Variants in CEP295 observed in about 807,000 individuals in gnomAD.
CEP295 encodes centrosomal protein of 295 kDa.
Under a neutral mutation model 291.6 loss-of-function variants are expected in CEP295, and 190 were observed. The ratio of observed to expected loss-of-function variants is 0.65; its 90% CI spans 0.58 to 0.73. The LOEUF (loss-of-function observed/expected upper bound fraction) is 0.73. Among genes scored for constraint, CEP295 ranks in the 30% least tolerant of loss-of-function variants. The probability of loss-of-function intolerance (pLI) is 0.00; values close to 1 mark genes in which losing one functional copy is unlikely to be tolerated. For synonymous variants in CEP295, 993 were observed against 1,038.8 expected, an observed-to-expected ratio of 0.96 and a Z score of 0.85; for missense variants, 2,863 against 2,949.4, an observed-to-expected ratio of 0.97 and a Z score of 0.68.
chr11:93,669,785 T>G lies in CEP295; in HGVS notation c.528+15T>G, dbSNP rs934176322. On this transcript the variant is annotated intron_variant, in intron 5 of 29. Coordinates refer to ENST00000325212, the MANE Select transcript of CEP295 (RefSeq NM_033395.2). ...CTCTTTTTGAGGTGAGTTTGAGTAT[T>G]AAGAGGAACTAGGTCATAATTCTTC... is the stretch of plus-strand genomic sequence containing the variant. The G allele has an allele frequency of 6.8e-7, 1 of 1,470,570 alleles. No homozygotes were observed. The highest frequency in any genetic ancestry group is 9.3e-7 in the Non-Finnish European group (1 of 1,074,402). The allele number at this position is 1,470,570 out of a possible 1,614,324, so 91.1% of individuals were successfully genotyped here. A position where few individuals can be genotyped will look rare whatever the true frequency, so the allele number is the denominator to read the frequency against.
chr11:93,700,374 T>C (rs1591071097), intron 15 of CEP295, among the ~76,000 whole-genome samples, 188 bp downstream of exon 15: 1 of 152,072 alleles, frequency 6.6e-6, no homozygotes, highest in East Asian at 1.9e-4. Flanking sequence ...GTTTATGAGG[T>C]TAATAGTTAC....
At chr11:93,725,538 G>A in intron 22 of CEP295, 113 bp from the exon 23 acceptor site, 1 of 848,484 alleles carries the variant, frequency 1.2e-6, no homozygotes, top group Non-Finnish European at 1.7e-6. Context: ...AATCATTGCT[G>A]TCATAGTGAA....
At chr11:93,714,424 TA>T (rs1018380452) in intron 18 of CEP295, among the ~76,000 whole-genome samples, 8 of 152,162 alleles carry the variant, frequency 5.3e-5, no homozygotes, top group African/African-American at 1.9e-4. Context: ...CTAATTTTTG[TA>T]TTTTTAGTAA....
At chr11:93,725,925 C>CA (rs1427176759) in intron 23 of CEP295, 94 bp downstream of exon 23, 22 of 961,950 alleles carry the variant, frequency 2.3e-5, no homozygotes, top group South Asian at 1.2e-4. Flanking sequence ...GGTTTGTCTT[C>CA]ACCCCTGCTC....
At chr11:93,672,349 T>G (rs1255217628) in intron 5 of CEP295, among the ~76,000 whole-genome samples, 1 of 152,202 alleles carries the variant, frequency 6.6e-6, no homozygotes, top group African/African-American at 2.4e-5. Context: ...CTATGAAGAC[T>G]TCTCATGTAT....
chr11:93,727,879 A>C (rs951378176), intron 24 of CEP295: 2 of 387,628 alleles, frequency 5.2e-6, no homozygotes, highest in African/African-American at 4.2e-5. Flanking sequence ...CCAGCTTGTG[A>C]TCACTAGAAA....
intron 24 of CEP295, chr11:93,728,300 C>T (rs1415678527): frequency 1.8e-5 from 3 of 163,746 alleles, no homozygotes; most frequent in Non-Finnish European, 3.9e-5. Flanking sequence ...TGTTAGCAGT[C>T]AGTGGCCCAC....
At chr11:93,722,693 G>A (rs1953830211) in intron 20 of CEP295, 1 of 179,500 alleles carries the variant, frequency 5.6e-6, no homozygotes, top group Non-Finnish European at 1.2e-5. Context: ...TGTCTGTAAG[G>A]AAGTACCCAG....
intron 18 of CEP295, among the ~76,000 whole-genome samples, chr11:93,713,973 A>G (rs1487042032): frequency 6.6e-6 from 1 of 152,050 alleles, no homozygotes; most frequent in African/African-American, 2.4e-5. Flanking sequence ...TGTCGATTGC[A>G]TTTTTCAGCT....
In CEP295 at chr11:93,699,533, G is replaced by A. The variant is rs766347106; in HGVS notation, c.4621G>A (p.Val1541Ile). ...LQRLSELEKRVSSEQVCSSSF... is the reference protein window; with the variant it reads ...LQRLSELEKRISSEQVCSSSF... ...AAGATTAAGTGAATTGGAGAAAAGG[G>A]TATCATCTGAACAAGTTTGCTCCTC... The change falls in exon 15 of 30, where the codon GTA (valine) becomes ATA (isoleucine). Residue 1541 changes from valine to isoleucine, a missense_variant. This residue lies in a region of CEP295 where 2,295 missense variants were observed against 2,335.7 expected (regional missense o/e 0.98). Transcript: ENST00000325212. 5.8e-6 allele frequency: 9 copies of A among 1,551,754 alleles called. No homozygotes were observed. The highest frequency in any genetic ancestry group is 8.7e-7 in the Non-Finnish European group (1 of 1,147,078).
rs1354795256 is a variant in CEP295 at position 93,728,667 on chromosome 11, ATTGT to A, written c.7162-13_7162-10del. 1 of 1,519,186 alleles carries A rather than the reference ATTGT, an allele frequency of 6.6e-7. No individual in the cohort carries two copies. Among genetic ancestry groups the A allele is most frequent in the Admixed American group, 2.4e-5 (1 of 42,010 alleles). 94.1% of individuals were successfully genotyped at this position (1,519,186 alleles called of 1,614,324 possible). On this transcript the variant is annotated splice_polypyrimidine_tract_variant and intron_variant, in intron 24 of 29. Transcript: ENST00000325212. ...CTATTTTGACATGGTTTTCCTTTTA[ATTGT>A]GGTTCACAGGAAACAGAAACTGGCC... is the stretch of plus-strand genomic sequence containing the variant.
At chr11:93,703,841 T>C (rs1952344030) in intron 17 of CEP295, among the ~76,000 whole-genome samples, 1 of 148,656 alleles carries the variant, frequency 6.7e-6, no homozygotes, top group Non-Finnish European at 1.5e-5. Context: ...CAATCTCGGC[T>C]CACTGCAAGC....
rs1404633796 is a variant in CEP295 at position 93,674,620 on chromosome 11, T to A, written c.529-951T>A. ...TCACAATGATCATATGGTATAGCGA[T>A]AGCTATAAACCCACTTTTCTTGAGA... On this transcript the variant is annotated intron_variant, in intron 5 of 29. Transcript: ENST00000325212. Among the ~76,000 whole-genome samples, 8 of 152,354 alleles carry A rather than the reference T, an allele frequency of 5.3e-5. No homozygotes were observed. The East Asian group carries it at 1.5e-3, about 29-fold the overall frequency.
chr11:93,721,394 TGTGAAGCCAGATGATAAG>T lies in CEP295; in HGVS notation c.5835_5850+2del, dbSNP rs762795370. The T allele has an allele frequency of 6.3e-7, 1 of 1,590,626 alleles. No homozygotes were observed. Among genetic ancestry groups the T allele is most frequent in the Non-Finnish European group, 8.6e-7 (1 of 1,163,684 alleles). ...AAGAACATGCATATTTGGGTCCAAC[TGTGAAGCCAGATGATAAG>T]GTTAGTAATGTCTTAATGTTCACTC... is the stretch of plus-strand genomic sequence containing the variant. On this transcript the variant is annotated inframe_deletion and splice_region_variant, in exon 19 of 30. Coordinates refer to ENST00000325212, the MANE Select transcript of CEP295 (RefSeq NM_033395.2).
At chr11:93,679,037 A>G (rs2134910564) in intron 6 of CEP295, among the ~76,000 whole-genome samples, 1 of 152,152 alleles carries the variant, frequency 6.6e-6, no homozygotes, top group Admixed American at 6.5e-5. Flanking sequence ...TTATATTTTT[A>G]GTAAAGACAG....
chr11:93,694,337 G>A (rs1296125481), intron 12 of CEP295, among the ~76,000 whole-genome samples: 1 of 152,102 alleles, frequency 6.6e-6, no homozygotes, highest in Non-Finnish European at 1.5e-5. Context: ...CCAAACTGTG[G>A]ATAATATTGA....
chr11:93,698,673 A>C lies in CEP295; in HGVS notation c.3761A>C (p.Gln1254Pro), dbSNP rs1267733430. 6.4e-7 allele frequency: 1 copy of C among 1,550,854 alleles called. No homozygotes were observed. Among genetic ancestry groups the C allele is most frequent in the Non-Finnish European group, 8.7e-7 (1 of 1,147,088 alleles). ...GTTTCACAACATATGCTACCTCTAC[A>C]AGATAATTTGGAGGAACACCAAGCA... is the stretch of plus-strand genomic sequence containing the variant. ...LRVSQHMLPL[Q>P]DNLEEHQAWL... Residue 1254 changes from glutamine (Q) to proline (P), a missense_variant, in exon 15 of 30, where the codon CAA becomes CCA. By Grantham distance (76) the Gln-to-Pro change is moderately conservative (BLOSUM62 -1). This residue lies in a region of CEP295 where 2,295 missense variants were observed against 2,335.7 expected (regional missense o/e 0.98). Transcript: ENST00000325212.
chr11:93,715,791 C>G (rs967056368), intron 18 of CEP295, among the ~76,000 whole-genome samples: 2 of 152,060 alleles, frequency 1.3e-5, no homozygotes. Context: ...ACAGCTAGGT[C>G]CTAGTATGGG....
intron 1 of CEP295, among the ~76,000 whole-genome samples, chr11:93,662,177 T>A (rs1411628622): frequency 6.6e-6 from 1 of 152,226 alleles, no homozygotes; most frequent in Non-Finnish European, 1.5e-5. Flanking sequence ...GAGCACGCTC[T>A]CTTTTGGTGT....
Sources: allele counts gnomAD v4.1 joint callset (sites outside exome capture counted in the v4.1 genomes callset), GRCh38; gene constraint gnomAD v4.1.1; regional missense constraint gnomAD v4.1.1; transcripts MANE v1.5; gene names NCBI Gene and HGNC (gene_info 2026-07-23, HGNC 2026-07-21).